SH3YL1: variants seen among roughly 807,000 people sequenced by gnomAD.
SH3YL1 encodes the protein SH3 and SYLF domain containing 1.
A neutral mutation model predicts 45.8 loss-of-function variants in SH3YL1; 41 were observed. The observed-to-expected ratio is 0.89, with a 90% CI of 0.70 to 1.16. The LOEUF is 1.16. Among genes scored for constraint, SH3YL1 ranks in the 50% most tolerant of loss-of-function variants. The pLI is 0.00. For synonymous variants in SH3YL1, 152 were observed against 151.4 expected (o/e 1.00, Z -0.03); for missense variants, 389 against 409.6 (o/e 0.95, Z 0.43).
At position 233,169 on chromosome 2, in the gene SH3YL1, T is replaced by G. The variant is rs755423652; in HGVS notation, c.465A>C (p.Ser155=). 95 of 1,598,010 alleles carry G rather than the reference T, an allele frequency of 5.9e-5. 2 individuals carry two copies. In the South Asian group the frequency reaches 9.3e-4, roughly 16 times the overall value. ...AAGACACGCCTGCAAAGAGTCCCCT[T>G]GACTTGCAGTACGTGAAGACGGCAG... The part of the protein sequence containing the change: ...SSAAVFTYCK[S]RGLFAGVSLE... The change falls in exon 6 of 10, where the codon TCA becomes TCC. Residue 155 remains serine, a synonymous_variant. Transcript: ENST00000356150.
Position 234,141 on chromosome 2 carries a change from A to G in SH3YL1, c.404+19T>C, listed in dbSNP as rs776029099. On this transcript the variant is annotated intron_variant, in intron 5 of 9. Coordinates refer to ENST00000356150, the MANE Select transcript of SH3YL1 (RefSeq NM_015677.4). The stretch of plus-strand genomic sequence containing the variant: ...AGTTGTTAAACCTTTACTGTCTAAC[A>G]TCTATTTAAAGAACTCACCTTCCCA... 2 of 1,553,682 alleles carry G rather than the reference A, an allele frequency of 1.3e-6. No homozygotes were observed. The highest frequency in any genetic ancestry group is 1.8e-6 in the Non-Finnish European group (2 of 1,132,030).
At position 233,238 on chromosome 2, in the gene SH3YL1, C is replaced by G. The variant is rs756411873; in HGVS notation, c.405-9G>C. 6.4e-7 allele frequency: 1 copy of G among 1,555,650 alleles called. No individual in the cohort carries two copies. The highest frequency in any genetic ancestry group is 8.7e-7 in the Non-Finnish European group (1 of 1,149,828). ...CGTTTCCTTCCAAGTTCCTGCAAAG[C>G]ACAAGATTTTGCATCACAAAGCTGT... On this transcript the variant is annotated splice_polypyrimidine_tract_variant and intron_variant, in intron 5 of 9. Coordinates refer to ENST00000356150, the MANE Select transcript of SH3YL1 (RefSeq NM_015677.4).
chr2:228,088 G>A (rs57542652), intron 8 of SH3YL1, among the ~76,000 whole-genome samples: 42,168 of 152,072 alleles, frequency 0.28, 6,407 homozygotes, highest in Non-Finnish European at 0.35. Flanking sequence ...GTATCGCATG[G>A]AAAAACTGTA....
intron 1 of SH3YL1, among the ~76,000 whole-genome samples, chr2:258,560 AT>A (rs1363340010): frequency 1.3e-5 from 2 of 152,136 alleles, no homozygotes; most frequent in Non-Finnish European, 2.9e-5. Flanking sequence ...CCTAGATTTC[AT>A]TGCTTCCCTT....
In SH3YL1 at chr2:253,108, G is replaced by A. The variant is rs766094021; in HGVS notation, c.9C>T (p.Asn3=). Residue 3 remains asparagine (N), a synonymous_variant, in exon 2 of 10, where the codon AAC becomes AAT. Transcript: ENST00000356150. The stretch of plus-strand genomic sequence containing the variant: ...CTGATTTCAAATTGGAAGGTATAGG[G>A]TTATTCACTGAAACATAACAAAAGA... MN[N]PIPSNLKSEA... is the part of the protein sequence containing the mutation. 1.3e-6 allele frequency: 2 copies of A among 1,492,666 alleles called. No homozygotes were observed. Among genetic ancestry groups the A allele is most frequent in the Admixed American group, 4.1e-5 (2 of 48,396 alleles). 92.5% of individuals were successfully genotyped at this position (1,492,666 alleles called of 1,614,324 possible). A position where few individuals can be genotyped will look rare whatever the true frequency, so the allele number is the denominator to read the frequency against.
chr2:230,578 T>G (rs562565759), intron 7 of SH3YL1: 2 of 216,682 alleles, frequency 9.2e-6, no homozygotes, highest in African/African-American at 4.7e-5. Flanking sequence ...AATGGCATGA[T>G]CTTGGCTCAG....
chr2:261,478 A>G lies in SH3YL1; in HGVS notation c.1+2506T>C, dbSNP rs180820374. ...TTTCAAATAAAGTTTTCTTTAAAAC[A>G]AAAGTTAAAATGTTTTAAATTTTCA... On this transcript the variant is annotated intron_variant, in intron 1 of 9. Coordinates refer to ENST00000356150, the MANE Select transcript of SH3YL1 (RefSeq NM_015677.4). 2.6e-3 allele frequency among the ~76,000 whole-genome samples: 397 copies of G among 152,352 alleles called. 1 individual carries two copies. The highest frequency in any genetic ancestry group is 6.8e-3 in the Middle Eastern group (2 of 294).
chr2:241,991 A>T (rs1293182496), intron 4 of SH3YL1: 1 of 152,126 alleles, frequency 6.6e-6, no homozygotes, highest in Admixed American at 6.5e-5. Context: ...AAAGATAATT[A>T]TCTAACCATA....
At chr2:257,425 G>C (rs1055599931) in intron 1 of SH3YL1, among the ~76,000 whole-genome samples, 9 of 152,154 alleles carry the variant, frequency 5.9e-5, no homozygotes, top group African/African-American at 1.9e-4. Context: ...TTCAATATTT[G>C]AGTCCTTGTA....
chr2:238,860 C>G (rs1010400932), intron 4 of SH3YL1, among the ~76,000 whole-genome samples: 23 of 152,200 alleles, frequency 1.5e-4, no homozygotes, highest in Non-Finnish European at 1.5e-5. Flanking sequence ...AATCCAGATA[C>G]ACGTATTCAG....
chr2:221,208 T>C (rs867071181), intron 9 of SH3YL1, among the ~76,000 whole-genome samples: 1 of 152,182 alleles, frequency 6.6e-6, no homozygotes, highest in Non-Finnish European at 1.5e-5. Flanking sequence ...AATATGAAAT[T>C]GTGCTCAACA....
At chr2:264,065 G>T, upstream of SH3YL1, 1 of 1,353,044 alleles carries the variant, frequency 7.4e-7, no homozygotes, top group South Asian at 1.8e-5. Flanking sequence ...CGGACAAGGA[G>T]GCCCCAGCGA....
At chr2:245,410 A>G (rs1668755083) in intron 4 of SH3YL1, among the ~76,000 whole-genome samples, 1 of 152,250 alleles carries the variant, frequency 6.6e-6, no homozygotes, top group Non-Finnish European at 1.5e-5. Context: ...TGTAAATGGC[A>G]AGCCTAAATA....
intron 2 of SH3YL1, 136 bp from the exon 3 acceptor site, chr2:249,980 G>C: frequency 3.2e-6 from 2 of 622,362 alleles, no homozygotes; most frequent in Non-Finnish European, 5.7e-6. Flanking sequence ...ATGAACAAAA[G>C]TCAGTCACTC....
intron 8 of SH3YL1, among the ~76,000 whole-genome samples, chr2:225,851 CAA>C (rs1416737660): frequency 6.6e-6 from 1 of 152,100 alleles, no homozygotes; most frequent in African/African-American, 2.4e-5. Context: ...ACAGAAATTA[CAA>C]AGTCTTATTG....
chr2:263,159 G>C (rs1669659485), intron 1 of SH3YL1: 1 of 155,630 alleles, frequency 6.4e-6, no homozygotes, highest in African/African-American at 2.4e-5. Flanking sequence ...ACACCTAGGA[G>C]AACAAGAAAT....
In SH3YL1 at chr2:220,206, T is replaced by C. The variant is rs185520620; in HGVS notation, c.839-1205A>G. ...CATAATACAATAATAATAATAATAA[T>C]AATAATAAAGTGAATTTGGTCCACC... On this transcript the variant is annotated intron_variant, in intron 9 of 9. Transcript: ENST00000356150. Among the ~76,000 whole-genome samples, 646 of 150,150 alleles carry C rather than the reference T, an allele frequency of 4.3e-3. 8 individuals carry two copies. Among genetic ancestry groups the C allele is most frequent in the African/African-American group, 0.015 (614 of 40,888 alleles).
At chr2:254,834 C>T (rs1179127993) in intron 1 of SH3YL1, among the ~76,000 whole-genome samples, 1 of 152,154 alleles carries the variant, frequency 6.6e-6, no homozygotes, top group South Asian at 2.1e-4. Flanking sequence ...TTTCCTTTGC[C>T]CTGTTGTTTC....
intron 1 of SH3YL1, among the ~76,000 whole-genome samples, chr2:257,755 A>C (rs529522592): frequency 1.3e-5 from 2 of 152,084 alleles, no homozygotes; most frequent in Non-Finnish European, 2.9e-5. Context: ...GCTCAATTAA[A>C]CTCCTTAAAA....
Sources: allele counts gnomAD v4.1 joint callset (sites outside exome capture counted in the v4.1 genomes callset), GRCh38; gene constraint gnomAD v4.1.1; transcripts MANE v1.5; gene names NCBI Gene and HGNC (gene_info 2026-07-23, HGNC 2026-07-21).